Variants in NKAIN1 observed in about 807,000 individuals in gnomAD.
NKAIN1 encodes sodium/potassium-transporting ATPase subunit beta-1-interacting protein 1.
In NKAIN1, 13 loss-of-function variants were observed where a neutral mutation model predicts 31.6. That is an observed-to-expected ratio of 0.41 (90% confidence interval 0.27 to 0.65). The LOEUF is 0.65. NKAIN1 is among the 30% of genes least tolerant of loss of function. The pLI is 0.30. For synonymous variants in NKAIN1, 104 were observed against 109.0 expected (o/e 0.95, Z 0.28); for missense variants, 193 against 262.2 (o/e 0.74, Z 1.82).
chr1:31,210,534 C>T (rs1271399276), intron 1 of NKAIN1, among the ~76,000 whole-genome samples: 1 of 152,178 alleles, frequency 6.6e-6, no homozygotes, highest in Non-Finnish European at 1.5e-5. Flanking sequence ...GGTGATCCAC[C>T]CGCCTTGGCC....
intron 1 of NKAIN1, among the ~76,000 whole-genome samples, chr1:31,191,141 G>A (rs1391534418): frequency 3.3e-5 from 5 of 152,142 alleles, no homozygotes; most frequent in Non-Finnish European, 7.3e-5. Context: ...AAATACGAAA[G>A]TTAGCTGGGT....
chr1:31,195,937 C>T (rs958017612), intron 1 of NKAIN1, among the ~76,000 whole-genome samples: 1 of 149,824 alleles, frequency 6.7e-6, no homozygotes, highest in Non-Finnish European at 1.5e-5. Flanking sequence ...CAGCTGATAT[C>T]AGCCTTATCT....
intron 1 of NKAIN1, among the ~76,000 whole-genome samples, chr1:31,223,406 T>G (rs767534211): frequency 1.4e-5 from 2 of 146,096 alleles, no homozygotes; most frequent in Non-Finnish European, 3.0e-5. Context: ...AAGAAAGAAA[T>G]ACTCCATAAA....
At chr1:31,191,985 T>G (rs1188111853) in intron 1 of NKAIN1, among the ~76,000 whole-genome samples, 1 of 152,150 alleles carries the variant, frequency 6.6e-6, no homozygotes, top group Non-Finnish European at 1.5e-5. Context: ...TATGTTGCCC[T>G]GAGTAGTCTT....
chr1:31,216,878 G>A (rs746821884), intron 1 of NKAIN1, among the ~76,000 whole-genome samples: 3 of 151,976 alleles, frequency 2.0e-5, no homozygotes, highest in Non-Finnish European at 4.4e-5. Flanking sequence ...ATTTTTGTGT[G>A]TGTGTGAGAT....
At chr1:31,224,215 A>T (rs1351494111) in intron 1 of NKAIN1, among the ~76,000 whole-genome samples, 1 of 152,118 alleles carries the variant, frequency 6.6e-6, no homozygotes, top group African/African-American at 2.4e-5. Flanking sequence ...CTGAGAGCCG[A>T]TGATAGGAGT....
chr1:31,201,913 G>A (rs1047461232), intron 1 of NKAIN1, among the ~76,000 whole-genome samples: 1 of 152,122 alleles, frequency 6.6e-6, no homozygotes, highest in Non-Finnish European at 1.5e-5. Flanking sequence ...CTCCTCCTCG[G>A]GACAGGTCCT....
intron 1 of NKAIN1, among the ~76,000 whole-genome samples, chr1:31,191,771 A>C (rs1185890980): frequency 1.3e-5 from 2 of 151,970 alleles, no homozygotes; most frequent in East Asian, 3.9e-4. Context: ...CCTTTGCCTT[A>C]TTTTTTATTT....
intron 1 of NKAIN1, among the ~76,000 whole-genome samples, chr1:31,232,458 GA>G (rs1454334417): frequency 1.6e-5 from 2 of 128,948 alleles, no homozygotes; most frequent in African/African-American, 5.6e-5. Flanking sequence ...GAGAGAGAGA[GA>G]GAGAGAGAGA....
chr1:31,183,989 T>C lies in NKAIN1; in HGVS notation c.299A>G (p.Asn100Ser), dbSNP rs755734763. Residue 100 changes from asparagine (N) to serine (S), a missense_variant, in exon 4 of 7, where the codon AAC (asparagine) becomes AGC (serine). Transcript: ENST00000373736. Reference sequence around the variant, plus strand: ...CCACCAGGAGCGGTGCAGGGATGTGTTGAAGGTCATGATGAAGTCCCGGTC... The same window carrying C: ...CCACCAGGAGCGGTGCAGGGATGTGCTGAAGGTCATGATGAAGTCCCGGTC... ...SQDRDFIMTFNTSLHRSWWME... is the reference protein window; with the variant it reads ...SQDRDFIMTFSTSLHRSWWME... 12 of 1,613,830 alleles carry C rather than the reference T, an allele frequency of 7.4e-6. No homozygotes were observed. The South Asian group carries it at 1.2e-4, about 16-fold the overall frequency.
At chr1:31,216,690 T>TTTTATTTA (rs35212874) in intron 1 of NKAIN1, among the ~76,000 whole-genome samples, 42,933 of 139,404 alleles carry the variant, frequency 0.31, 7,270 homozygotes, top group Non-Finnish European at 0.37. Context: ...TGGCATTGAC[T>TTTTATTTA]TTTATTTATT....
chr1:31,236,187 C>T (rs1209485139), intron 1 of NKAIN1, among the ~76,000 whole-genome samples: 2 of 152,126 alleles, frequency 1.3e-5, no homozygotes, highest in African/African-American at 4.8e-5. Context: ...GGTCTAAAAG[C>T]CAGGTCTGTC....
chr1:31,182,240 A>G (rs1645208336), intron 5 of NKAIN1, among the ~76,000 whole-genome samples: 1 of 151,284 alleles, frequency 6.6e-6, no homozygotes, highest in Admixed American at 6.6e-5. Context: ...ATGGGAGAGA[A>G]GGCTCTCAGG....
intron 1 of NKAIN1, among the ~76,000 whole-genome samples, chr1:31,220,441 A>T (rs1645555240): frequency 6.6e-6 from 1 of 152,014 alleles, no homozygotes; most frequent in South Asian, 2.1e-4. Context: ...CCGTATCCCC[A>T]GCACCTACCT....
intron 1 of NKAIN1, among the ~76,000 whole-genome samples, chr1:31,189,004 C>A (rs1489868890): frequency 2.0e-5 from 3 of 151,176 alleles, no homozygotes; most frequent in South Asian, 2.1e-4. Flanking sequence ...CAGAGTGAGA[C>A]CCCGTCTCAA....
At chr1:31,194,413 C>CTTTT (rs1234303404) in intron 1 of NKAIN1, among the ~76,000 whole-genome samples, 1 of 130,660 alleles carries the variant, frequency 7.7e-6, no homozygotes, top group Non-Finnish European at 1.7e-5. Flanking sequence ...TCCTTCCTTC[C>CTTTT]TTTTTTTTTT....
At chr1:31,234,276 G>A (rs978563652) in intron 1 of NKAIN1, among the ~76,000 whole-genome samples, 8 of 152,180 alleles carry the variant, frequency 5.3e-5, no homozygotes, top group South Asian at 2.1e-4. Flanking sequence ...AGCAGAACCA[G>A]ACCCTCCCGA....
chr1:31,197,268 C>T (rs371404226), intron 1 of NKAIN1, among the ~76,000 whole-genome samples: 40 of 151,432 alleles, frequency 2.6e-4, no homozygotes, highest in African/African-American at 7.8e-4. Context: ...CCCACCAGCA[C>T]GCCCGGCTAA....
intron 1 of NKAIN1, among the ~76,000 whole-genome samples, chr1:31,191,373 G>A (rs1452973757): frequency 2.0e-5 from 3 of 146,868 alleles, no homozygotes; most frequent in Non-Finnish European, 3.0e-5. Flanking sequence ...TGTTCTCTGT[G>A]ACCTTATTGA....
Sources: gnomAD v4.1 joint callset for allele counts (sites outside exome capture counted in the v4.1 genomes callset) on GRCh38, gnomAD v4.1.1 for gene constraint, MANE v1.5 for transcripts, NCBI Gene and HGNC (gene_info 2026-07-23, HGNC 2026-07-21) for gene names.